KDM1B: variants seen among roughly 807,000 people sequenced by gnomAD.
The protein encoded by KDM1B is lysine demethylase 1B.
In KDM1B, 63 loss-of-function variants were observed where a neutral mutation model predicts 107.4. The ratio of observed to expected loss-of-function variants is 0.59; its 90% CI spans 0.48 to 0.72. KDM1B has a LOEUF of 0.72. KDM1B is among the 30% of genes least tolerant of loss of function. KDM1B has a pLI of 0.00. For missense variants in KDM1B, 749 were observed against 1,020.8 expected (o/e 0.73, Z 3.63); for synonymous variants, 363 against 363.9 (o/e 1.00, Z 0.03).
At chr6:18,160,318 C>T (rs948726315) in intron 3 of KDM1B, among the ~76,000 whole-genome samples, 2 of 152,082 alleles carry the variant, frequency 1.3e-5, no homozygotes, top group East Asian at 1.9e-4. Flanking sequence ...TGGACTTCAG[C>T]TTGGAATTGG....
Position 18,215,098 on chromosome 6 carries a change from T to C in KDM1B, c.2201T>C (p.Met734Thr), listed in dbSNP as rs372789519. 3.6e-5 allele frequency: 58 copies of C among 1,613,518 alleles called. No individual in the cohort carries two copies. In the African/African-American group the frequency reaches 6.8e-4, roughly 19 times the overall value. ...GACAAACAGGTGCTGCAGCAGTGCA[T>C]GGCCACGCTCCGGGAGCTGTTCAAG... Reference protein sequence around the residue: ...LDDKQVLQQCMATLRELFKEQ... With the variant: ...LDDKQVLQQCTATLRELFKEQ... The change falls in exon 20 of 22, where the codon ATG (methionine) becomes ACG (threonine). Residue 734 changes from methionine to threonine, a missense_variant. Transcript: ENST00000650836.
At position 18,159,108 on chromosome 6, in the gene KDM1B, C is replaced by T. The variant is rs1784809955; in HGVS notation, c.-13-775C>T. Among the ~76,000 whole-genome samples, 1 of 152,216 alleles carries T rather than the reference C, an allele frequency of 6.6e-6. No individual in the cohort carries two copies. Among genetic ancestry groups the T allele is most frequent in the African/African-American group, 2.4e-5 (1 of 41,442 alleles). ...CCAGCCTCCTGAGTAGCTGGAATTACAGGCACGCGCCTCCATGCCTGGCTA... is the reference window on the plus strand; with the variant it reads ...CCAGCCTCCTGAGTAGCTGGAATTATAGGCACGCGCCTCCATGCCTGGCTA... On this transcript the variant is annotated intron_variant, in intron 2 of 21. Transcript: ENST00000650836. This position sits in a 1 kb window ranked among gnomAD's most constrained non-coding sequence, Gnocchi z 4.5.
intron 8 of KDM1B, 41 bp downstream of exon 8, chr6:18,185,851 C>A (rs779784287): frequency 1.5e-5 from 23 of 1,581,900 alleles, no homozygotes; most frequent in Non-Finnish European, 1.9e-5. Context: ...TTAATTGTGC[C>A]TTTGATGATA....
At chr6:18,210,351 T>C (rs1788754434) in intron 17 of KDM1B, among the ~76,000 whole-genome samples, 1 of 45,980 alleles carries the variant, frequency 2.2e-5, no homozygotes, top group African/African-American at 8.7e-5. Context: ...TCTTTTTTTT[T>C]TTTTTTTTTT....
In KDM1B at chr6:18,222,567, T is replaced by C. The variant is rs1789841997; in HGVS notation, c.*575T>C. On this transcript the variant is annotated 3_prime_UTR_variant, in exon 22 of 22. Coordinates refer to ENST00000650836, the MANE Select transcript of KDM1B (RefSeq NM_001364614.2). ...TTCTAGGTATTTTGTATTGTACATA[T>C]TTCCTCCTACTGGGTGTTCAAAAGA... is the stretch of plus-strand genomic sequence containing the variant. The C allele has an allele frequency of 5.9e-6, 1 of 170,830 alleles. No homozygotes were observed. The highest frequency in any genetic ancestry group is 1.3e-5 in the Non-Finnish European group (1 of 79,520). 10.6% of individuals were successfully genotyped at this position (170,830 alleles called of 1,614,324 possible). A position where few individuals can be genotyped will look rare whatever the true frequency, so the allele number is the denominator to read the frequency against.
intron 7 of KDM1B, among the ~76,000 whole-genome samples, chr6:18,181,471 G>C (rs892092140): frequency 6.6e-6 from 1 of 152,184 alleles, no homozygotes; most frequent in Non-Finnish European, 1.5e-5. Flanking sequence ...ATGAGAATAA[G>C]AAGTGGGAAT....
intron 6 of KDM1B, among the ~76,000 whole-genome samples, chr6:18,169,444 T>C (rs1785515675): frequency 1.3e-5 from 2 of 152,242 alleles, no homozygotes; most frequent in South Asian, 2.1e-4. Flanking sequence ...CAGGCAGGTC[T>C]CAAACTGCTG....
At chr6:18,156,431 G>C (rs770616331) in intron 2 of KDM1B, among the ~76,000 whole-genome samples, 1 of 152,260 alleles carries the variant, frequency 6.6e-6, no homozygotes, top group Non-Finnish European at 1.5e-5. Context: ...CCCACACCAC[G>C]TATACACACA....
chr6:18,206,373 T>TTA, intron 15 of KDM1B, among the ~76,000 whole-genome samples: 1 of 151,774 alleles, frequency 6.6e-6, no homozygotes, highest in Non-Finnish European at 1.5e-5. Context: ...AAAAATTAGC[T>TTA]GGGCTTAGTG....
chr6:18,162,797 A>G lies in KDM1B; in HGVS notation c.216-38A>G. 1 of 1,155,370 alleles carries G rather than the reference A, an allele frequency of 8.7e-7. No homozygotes were observed. Among genetic ancestry groups the G allele is most frequent in the Non-Finnish European group, 1.3e-6 (1 of 763,718 alleles). 71.6% of individuals were successfully genotyped at this position (1,155,370 alleles called of 1,614,324 possible). On this transcript the variant is annotated intron_variant, in intron 4 of 21. Coordinates refer to ENST00000650836, the MANE Select transcript of KDM1B (RefSeq NM_001364614.2). This position sits in a 1 kb window ranked among gnomAD's most constrained non-coding sequence, Gnocchi z 4.1. ...TTAAAAAATGGGAGGAGAAATGTTT[A>G]TTCATTACCAAAGCTATATGTTTTT...
chr6:18,170,969 C>T (rs139126636), intron 6 of KDM1B, among the ~76,000 whole-genome samples: 8,156 of 151,886 alleles, frequency 0.054, 730 homozygotes, highest in African/African-American at 0.18. Context: ...TACAGGCGCC[C>T]GCCACCACGC....
At chr6:18,181,734 A>G (rs1786492121) in intron 7 of KDM1B, among the ~76,000 whole-genome samples, 1 of 152,242 alleles carries the variant, frequency 6.6e-6, no homozygotes, top group African/African-American at 2.4e-5. Context: ...TGACACAGTG[A>G]GACCCTGTTT....
intron 6 of KDM1B, among the ~76,000 whole-genome samples, chr6:18,167,479 A>AT (rs1211225928): frequency 5.1e-4 from 77 of 149,586 alleles, no homozygotes; most frequent in Middle Eastern, 3.5e-3. Context: ...ATGATTTGCT[A>AT]TTTTTTTTTT....
At chr6:18,156,513 A>C (rs770097849) in intron 2 of KDM1B, among the ~76,000 whole-genome samples, 12 of 152,138 alleles carry the variant, frequency 7.9e-5, no homozygotes, top group Non-Finnish European at 1.5e-4. Context: ...CGAGTGGGAG[A>C]GAAGGCTTCT....
At position 18,213,505 on chromosome 6, in the gene KDM1B, G is replaced by C. The variant is rs1457205535; in HGVS notation, c.1984-151G>C. 1 of 696,616 alleles carries C rather than the reference G, an allele frequency of 1.4e-6. No homozygotes were observed. Among genetic ancestry groups the C allele is most frequent in the Non-Finnish European group, 2.5e-6 (1 of 406,856 alleles). The allele number at this position is 696,616 out of a possible 1,614,324, so 43.2% of individuals were successfully genotyped here. A position where few individuals can be genotyped will look rare whatever the true frequency, so the allele number is the denominator to read the frequency against. On this transcript the variant is annotated intron_variant, in intron 18 of 21. Transcript: ENST00000650836. The surrounding 1 kb of genome is among the most constrained non-coding windows in gnomAD (Gnocchi z 5.9). ...CCAAGGAGTTCACAGGGGGAAAAAA[G>C]GAGGTGAGGAGAATGGAAAGAGCGG...
At chr6:18,217,089 C>G (rs1034655820) in intron 20 of KDM1B, among the ~76,000 whole-genome samples, 1 of 152,058 alleles carries the variant, frequency 6.6e-6, no homozygotes, top group Non-Finnish European at 1.5e-5. Flanking sequence ...AGACTCCTTT[C>G]TGCTACCACA....
intron 6 of KDM1B, among the ~76,000 whole-genome samples, chr6:18,168,367 A>T (rs568801115): frequency 6.6e-6 from 1 of 152,204 alleles, no homozygotes; most frequent in Non-Finnish European, 1.5e-5. Flanking sequence ...CAACATGTAA[A>T]CTTTTGTATC....
rs1230811387 is a variant in KDM1B at position 18,214,115 on chromosome 6, C to A, written c.2109+334C>A. Among the ~76,000 whole-genome samples, 2 of 152,048 alleles carry A rather than the reference C, an allele frequency of 1.3e-5. No individual in the cohort carries two copies. Among genetic ancestry groups the A allele is most frequent in the African/African-American group, 4.8e-5 (2 of 41,400 alleles). Reference sequence around the variant, plus strand: ...TGCTTGAAACTTCCTCTCTGAGGGTCCTCTAGGGAGCTGGGAAAGGGTGTA... The same window carrying A: ...TGCTTGAAACTTCCTCTCTGAGGGTACTCTAGGGAGCTGGGAAAGGGTGTA... On this transcript the variant is annotated intron_variant, in intron 19 of 21. Coordinates refer to ENST00000650836, the MANE Select transcript of KDM1B (RefSeq NM_001364614.2). This position sits in a 1 kb window ranked among gnomAD's most constrained non-coding sequence, Gnocchi z 4.4.
At chr6:18,165,605 T>G (rs1243027207) in intron 5 of KDM1B, among the ~76,000 whole-genome samples, 1 of 152,086 alleles carries the variant, frequency 6.6e-6, no homozygotes, top group Non-Finnish European at 1.5e-5. Flanking sequence ...GGCAGATCTC[T>G]TGAGGTTAGG....
Sources: allele counts gnomAD v4.1 joint callset (sites outside exome capture counted in the v4.1 genomes callset), GRCh38; gene constraint gnomAD v4.1.1; non-coding constraint Gnocchi (gnomAD v3.1); transcripts MANE v1.5; gene names NCBI Gene and HGNC (gene_info 2026-07-23, HGNC 2026-07-21).